The following HEPH variants were observed in gnomAD, a reference collection of about 807,000 sequenced individuals.
The protein encoded by HEPH is hephaestin.
A neutral mutation model predicts 80.8 loss-of-function variants in HEPH; 69 were observed. That is an observed-to-expected ratio of 0.85 (90% confidence interval 0.70 to 1.04). HEPH has a LOEUF of 1.04. HEPH is among the 50% of genes least tolerant of loss of function. The pLI, the probability that HEPH is intolerant of heterozygous loss-of-function variation, is 0.00. For synonymous variants in HEPH, 431 were observed against 322.8 expected (o/e 1.34, Z -3.60); for missense variants, 1,115 against 891.3 (o/e 1.25, Z -3.20).
At chrX:66,168,903 A>G (rs758324229) in intron 1 of HEPH, among the ~76,000 whole-genome samples, 1 of 111,809 alleles carries the variant, frequency 8.9e-6, no homozygotes, top group Non-Finnish European at 1.9e-5. Flanking sequence ...TCTGTTTGTA[A>G]AGTGATTATA....
chrX:66,253,608 G>T (rs1430837676), intron 15 of HEPH, among the ~76,000 whole-genome samples: 1 of 111,571 alleles, frequency 9.0e-6, no homozygotes, highest in Non-Finnish European at 1.9e-5. Flanking sequence ...AGGAATAAAT[G>T]AAAACATATA....
At chrX:66,268,617 G>T, downstream of HEPH, 1 of 111,826 alleles carries the variant, frequency 8.9e-6, no homozygotes, top group Non-Finnish European at 1.9e-5. Flanking sequence ...CAACTAGGAG[G>T]TTCTTAGCTT....
intron 15 of HEPH, among the ~76,000 whole-genome samples, chrX:66,231,025 A>C (rs1184605260): frequency 4.6e-5 from 5 of 108,369 alleles, no homozygotes; most frequent in Non-Finnish European, 7.7e-5. Context: ...ACCATTTATT[A>C]AATAGGGAAT....
chrX:66,218,793 G>T (rs2089508184), intron 15 of HEPH, among the ~76,000 whole-genome samples: 1 of 110,316 alleles, frequency 9.1e-6, no homozygotes, highest in East Asian at 2.8e-4. Flanking sequence ...GAATGGAACA[G>T]AACAGGACAG....
chrX:66,207,787 A>T (rs1387412609), intron 14 of HEPH, among the ~76,000 whole-genome samples: 1 of 111,685 alleles, frequency 9.0e-6, no homozygotes, highest in African/African-American at 3.3e-5. Flanking sequence ...TGCCAAACTT[A>T]TCACTCTTTA....
At chrX:66,246,707 C>A (rs1166276386) in intron 15 of HEPH, among the ~76,000 whole-genome samples, 1 of 111,648 alleles carries the variant, frequency 9.0e-6, no homozygotes, top group Non-Finnish European at 1.9e-5. Context: ...TGGAGAGGTT[C>A]TTCTGGCTCT....
chrX:66,175,438 T>A (rs1002948586), intron 4 of HEPH, among the ~76,000 whole-genome samples: 1 of 111,989 alleles, frequency 8.9e-6, no homozygotes, highest in African/African-American at 3.2e-5. Flanking sequence ...AATCAGGTAG[T>A]GTGATGCCTC....
intron 15 of HEPH, among the ~76,000 whole-genome samples, chrX:66,214,153 G>A (rs760083373): frequency 9.0e-5 from 10 of 111,656 alleles, no homozygotes; most frequent in Admixed American, 1.9e-4. Flanking sequence ...TCAGCATGTA[G>A]ATGATATTTA....
intron 7 of HEPH, among the ~76,000 whole-genome samples, chrX:66,193,126 C>A (rs1474472648): frequency 9.0e-6 from 1 of 110,592 alleles, no homozygotes; most frequent in African/African-American, 3.3e-5. Flanking sequence ...ATTATTAATA[C>A]CTAAGGATGA....
chrX:66,252,657 A>G (rs2091043811), intron 15 of HEPH, among the ~76,000 whole-genome samples: 1 of 112,163 alleles, frequency 8.9e-6, no homozygotes, highest in Non-Finnish European at 1.9e-5. Flanking sequence ...AAACAATGTT[A>G]AAAAAGAACA....
chrX:66,208,089 T>C (rs2088892650), intron 14 of HEPH, 26 bp from the exon 15 acceptor site: 1 of 1,105,562 alleles, frequency 9.0e-7, no homozygotes. Flanking sequence ...AAACTTTATT[T>C]ATTTAATTAT....
intron 4 of HEPH, among the ~76,000 whole-genome samples, chrX:66,186,423 C>A (rs1475451435): frequency 8.9e-6 from 1 of 112,088 alleles, no homozygotes; most frequent in East Asian, 2.8e-4. Context: ...TTTCTTAAGC[C>A]GGTCTGAAAA....
chrX:66,207,406 G>A, intron 14 of HEPH, 72 bp downstream of exon 14: 1 of 820,852 alleles, frequency 1.2e-6, no homozygotes, highest in Non-Finnish European at 1.6e-6. Flanking sequence ...GTTATACCAG[G>A]ATGGCCTCAC....
intron 15 of HEPH, among the ~76,000 whole-genome samples, chrX:66,242,676 A>T (rs1216662651): frequency 8.9e-6 from 1 of 112,171 alleles, no homozygotes; most frequent in East Asian, 2.8e-4. Flanking sequence ...AGCAAGAATC[A>T]AACAACCCTA....
intron 15 of HEPH, among the ~76,000 whole-genome samples, chrX:66,236,808 G>C (rs1326410801): frequency 9.0e-6 from 1 of 111,045 alleles, no homozygotes; most frequent in African/African-American, 3.3e-5. Flanking sequence ...CTTTTTATTG[G>C]CCTGTTCAGA....
chrX:66,190,270 A>T (rs190916918), intron 6 of HEPH, among the ~76,000 whole-genome samples: 1 of 111,026 alleles, frequency 9.0e-6, no homozygotes, highest in East Asian at 2.8e-4. Flanking sequence ...CATTTTCAAC[A>T]TATTGAACAG....
intron 13 of HEPH, 142 bp from the exon 14 acceptor site, chrX:66,207,043 TAAAAAAAAGA>T (rs1481478362): frequency 3.4e-6 from 1 of 297,472 alleles, no homozygotes; most frequent in Non-Finnish European, 5.4e-6. Flanking sequence ...TAAATAAATT[TAAAAAAAAGA>T]AAAAAAAAGA....
At chrX:66,190,312 A>G (rs1315887082) in intron 6 of HEPH, among the ~76,000 whole-genome samples, 1 of 111,363 alleles carries the variant, frequency 9.0e-6, no homozygotes, top group Non-Finnish European at 1.9e-5. Context: ...AAAAGAGAGT[A>G]ACATTTCTGT....
chrX:66,215,621 G>A (rs1219781466), intron 15 of HEPH, among the ~76,000 whole-genome samples: 1 of 111,936 alleles, frequency 8.9e-6, no homozygotes, highest in Non-Finnish European at 1.9e-5. Flanking sequence ...GGAGAAAATG[G>A]TGGATAGGAA....
Sources: allele counts gnomAD v4.1 joint callset (sites outside exome capture counted in the v4.1 genomes callset), GRCh38; gene constraint gnomAD v4.1.1; transcripts MANE v1.5; gene names NCBI Gene and HGNC (gene_info 2026-07-23, HGNC 2026-07-21).